Variants in LDLRAD4 observed in about 807,000 individuals in gnomAD.
LDLRAD4 encodes the protein low-density lipoprotein receptor class A domain-containing protein 4.
Under a neutral mutation model 17.0 loss-of-function variants are expected in LDLRAD4, and 5 were observed. The observed-to-expected ratio is 0.29, with a 90% CI of 0.15 to 0.62. The LOEUF (loss-of-function observed/expected upper bound fraction) is 0.62, where lower values mean the gene tolerates loss of function less well. Among genes scored for constraint, LDLRAD4 ranks in the 20% least tolerant of loss-of-function variants. The probability of loss-of-function intolerance (pLI) is 0.84; values close to 1 mark genes in which losing one functional copy is unlikely to be tolerated. For synonymous variants in LDLRAD4, 168 were observed against 171.8 expected, an observed-to-expected ratio of 0.98 and a Z score of 0.17; for missense variants, 340 against 424.7, an observed-to-expected ratio of 0.80 and a Z score of 1.75.
intron 1 of LDLRAD4, among the ~76,000 whole-genome samples, chr18:13,298,446 C>CAGCTCCTT (rs2046392406): frequency 7.4e-6 from 1 of 134,954 alleles, no homozygotes; most frequent in African/African-American, 2.9e-5. Flanking sequence ...GCTCCGGGCA[C>CAGCTCCTT]GGCAATTTTG....
At chr18:13,232,313 T>C (rs900310111) in intron 1 of LDLRAD4, among the ~76,000 whole-genome samples, 2 of 152,220 alleles carry the variant, frequency 1.3e-5, no homozygotes, top group African/African-American at 4.8e-5. Flanking sequence ...GTGGCCCCTC[T>C]CCTGTCCCAC....
At chr18:13,399,533 C>T (rs774147108) in intron 2 of LDLRAD4, among the ~76,000 whole-genome samples, 1 of 152,248 alleles carries the variant, frequency 6.6e-6, no homozygotes, top group Non-Finnish European at 1.5e-5. Flanking sequence ...GCTACTCAAA[C>T]ATGACTTTAT....
intron 1 of LDLRAD4, among the ~76,000 whole-genome samples, chr18:13,313,498 C>G (rs2080763589): frequency 6.6e-6 from 1 of 151,038 alleles, no homozygotes; most frequent in Non-Finnish European, 1.5e-5. Context: ...TCGTTTTTAT[C>G]TCTGGTGAAC....
chr18:13,542,920 A>G (rs937054424), intron 3 of LDLRAD4: 2 of 151,988 alleles, frequency 1.3e-5, no homozygotes, highest in Admixed American at 1.3e-4. Context: ...TCCTTCTGAT[A>G]TTTTCCTTTC....
At chr18:13,528,489 CTG>C (rs2094071389) in intron 3 of LDLRAD4, among the ~76,000 whole-genome samples, 1 of 152,038 alleles carries the variant, frequency 6.6e-6, no homozygotes, top group South Asian at 2.1e-4. Flanking sequence ...ATTTTCGTAT[CTG>C]TAATAGAGAT....
intron 1 of LDLRAD4, among the ~76,000 whole-genome samples, chr18:13,370,722 T>TTTGTTTGTTTTTTC (rs1568062009): frequency 1.4e-5 from 2 of 147,652 alleles, no homozygotes; most frequent in Admixed American, 6.7e-5. Context: ...TGTTTTTTTT[T>TTTGTTTGTTTTTTC]TTTTTTGAGA....
chr18:13,299,812 C>T (rs375442680), intron 1 of LDLRAD4, among the ~76,000 whole-genome samples: 10 of 152,258 alleles, frequency 6.6e-5, no homozygotes, highest in African/African-American at 2.4e-4. Context: ...ACTTACCCTC[C>T]AGCCTGGGCG....
chr18:13,253,483 T>C (rs1250159033), intron 1 of LDLRAD4, among the ~76,000 whole-genome samples: 2 of 152,000 alleles, frequency 1.3e-5, no homozygotes, highest in Non-Finnish European at 2.9e-5. Context: ...AAATGAGCAG[T>C]GTTAGGATGG....
At chr18:13,344,763 A>C (rs2144174625) in intron 1 of LDLRAD4, among the ~76,000 whole-genome samples, 1 of 152,290 alleles carries the variant, frequency 6.6e-6, no homozygotes, top group Middle Eastern at 3.4e-3. Flanking sequence ...TTCATTGAGC[A>C]GTGTTTGTAG....
At chr18:13,589,997 G>A (rs778610954) in intron 3 of LDLRAD4, among the ~76,000 whole-genome samples, 12 of 151,912 alleles carry the variant, frequency 7.9e-5, no homozygotes, top group Non-Finnish European at 1.6e-4. Context: ...GTGTGTGGGG[G>A]TGTGCACGTG....
chr18:13,313,478 C>T (rs1167017755), intron 1 of LDLRAD4, among the ~76,000 whole-genome samples: 1 of 152,192 alleles, frequency 6.6e-6, no homozygotes, highest in Non-Finnish European at 1.5e-5. Flanking sequence ...CAAGAGCGTG[C>T]AAGCTTGAGT....
chr18:13,640,012 T>C lies in LDLRAD4; in HGVS notation c.337-3347T>C, dbSNP rs187720360. Among the ~76,000 whole-genome samples the C allele has an allele frequency of 4.7e-3, 712 of 152,138 alleles. 7 individuals carry two copies. The highest frequency in any genetic ancestry group is 0.034 in the Middle Eastern group (10 of 294). Reference sequence around the variant, plus strand: ...CACTTAAAGAAAGAAACTGGCAAGGTGCGGTGGCTCACGCCTGTAATCCCA... The same window carrying C: ...CACTTAAAGAAAGAAACTGGCAAGGCGCGGTGGCTCACGCCTGTAATCCCA... On this transcript the variant is annotated intron_variant, in intron 4 of 5. Coordinates refer to ENST00000359446, the Ensembl canonical transcript of LDLRAD4.
At chr18:13,247,960 CTTTT>C (rs34516593) in intron 1 of LDLRAD4, among the ~76,000 whole-genome samples, 2 of 132,016 alleles carry the variant, frequency 1.5e-5, no homozygotes, top group African/African-American at 2.9e-5. Context: ...CGCCCCCCGC[CTTTT>C]TTTTTTTTTT....
At chr18:13,221,974 C>G (rs1032670342) in intron 1 of LDLRAD4, among the ~76,000 whole-genome samples, 6 of 152,226 alleles carry the variant, frequency 3.9e-5, no homozygotes, top group African/African-American at 1.4e-4. Context: ...AAAAAGTCCT[C>G]TGGTTAATAT....
At chr18:13,555,463 G>T (rs1037727110) in intron 3 of LDLRAD4, among the ~76,000 whole-genome samples, 4 of 152,032 alleles carry the variant, frequency 2.6e-5, no homozygotes, top group African/African-American at 9.7e-5. Flanking sequence ...AAATGATTCA[G>T]CTGGTTTACT....
chr18:13,582,382 A>T (rs781709625), intron 3 of LDLRAD4, among the ~76,000 whole-genome samples: 1 of 152,230 alleles, frequency 6.6e-6, no homozygotes, highest in Non-Finnish European at 1.5e-5. Context: ...GCCATCAATC[A>T]AAGAACTGCA....
intron 2 of LDLRAD4, among the ~76,000 whole-genome samples, chr18:13,401,085 G>T (rs1228895016): frequency 6.6e-6 from 1 of 151,984 alleles, no homozygotes; most frequent in African/African-American, 2.4e-5. Flanking sequence ...GTGAGGCCTC[G>T]CTAAGGACAA....
At chr18:13,641,614 G>A in intron 4 of LDLRAD4, 1 of 274,036 alleles carries the variant, frequency 3.6e-6, no homozygotes, top group Non-Finnish European at 5.6e-6. Flanking sequence ...AGGGAAATGC[G>A]GGGCCCGAGG....
intron 1 of LDLRAD4, among the ~76,000 whole-genome samples, chr18:13,315,902 AG>A (rs2080907581): frequency 6.6e-6 from 1 of 152,184 alleles, no homozygotes; most frequent in Non-Finnish European, 1.5e-5. Context: ...TGCACATAGG[AG>A]AGTGAACTCT....
Sources: allele counts gnomAD v4.1 joint callset (sites outside exome capture counted in the v4.1 genomes callset), GRCh38; gene constraint gnomAD v4.1.1; transcripts MANE v1.5; gene names NCBI Gene and HGNC (gene_info 2026-07-23, HGNC 2026-07-21).